Variants in PPFIA2 observed in about 807,000 individuals in gnomAD.
PPFIA2 encodes the protein PPFI scaffold protein A2.
PPFIA2 carries 46 observed loss-of-function variants against 175.5 expected under a neutral mutation model. The ratio of observed to expected loss-of-function variants is 0.26; its 90% CI spans 0.21 to 0.34. PPFIA2 has a LOEUF of 0.34. PPFIA2 is among the 10% of genes least tolerant of loss of function. The pLI is 1.00. For synonymous variants in PPFIA2, 568 were observed against 511.4 expected, an observed-to-expected ratio of 1.11 and a Z score of -1.49; for missense variants, 1,179 against 1,506.1, an observed-to-expected ratio of 0.78 and a Z score of 3.60.
chr12:81,364,858 G>A (rs2032577813), intron 14 of PPFIA2, among the ~76,000 whole-genome samples: 1 of 151,776 alleles, frequency 6.6e-6, no homozygotes, highest in African/African-American at 2.4e-5. Context: ...TTTAGCCTGA[G>A]TAACTGAAAG....
chr12:81,384,301 TA>T, intron 8 of PPFIA2, 57 bp from the exon 9 acceptor site: 1 of 1,164,396 alleles, frequency 8.6e-7, no homozygotes, highest in Non-Finnish European at 1.2e-6. Context: ...ATTTAAAATT[TA>T]AAATAAACTT....
intron 28 of PPFIA2, among the ~76,000 whole-genome samples, chr12:81,275,382 C>A (rs2040251367): frequency 6.6e-6 from 1 of 152,196 alleles, no homozygotes; most frequent in Non-Finnish European, 1.5e-5. Context: ...TTTAACCAAT[C>A]ACTTTCACAT....
intron 7 of PPFIA2, among the ~76,000 whole-genome samples, chr12:81,426,972 A>G (rs1667090839): frequency 6.6e-6 from 1 of 152,138 alleles, no homozygotes; most frequent in African/African-American, 2.4e-5. Context: ...TTAATCTTTT[A>G]TGTATAGTTA....
chr12:81,408,899 A>G (rs1390865814), intron 7 of PPFIA2, among the ~76,000 whole-genome samples: 1 of 151,406 alleles, frequency 6.6e-6, no homozygotes, highest in Admixed American at 6.6e-5. Flanking sequence ...TTATGAAACC[A>G]AAGTTTCAGC....
intron 4 of PPFIA2, among the ~76,000 whole-genome samples, chr12:81,468,284 G>T (rs1427845008): frequency 1.3e-5 from 2 of 152,114 alleles, no homozygotes; most frequent in Non-Finnish European, 2.9e-5. Context: ...ATGCCCAAAA[G>T]ATATATTTGC....
intron 21 of PPFIA2, among the ~76,000 whole-genome samples, chr12:81,330,266 T>C (rs947836353): frequency 6.6e-6 from 1 of 152,152 alleles, no homozygotes; most frequent in Non-Finnish European, 1.5e-5. Context: ...TGCCAAAAAA[T>C]ATTTTTATAG....
chr12:81,532,202 C>A (rs961834839), intron 4 of PPFIA2, among the ~76,000 whole-genome samples: 1 of 151,810 alleles, frequency 6.6e-6, no homozygotes, highest in Non-Finnish European at 1.5e-5. Flanking sequence ...AAGATTCCCA[C>A]TAGCAAGCTG....
Position 81,567,171 on chromosome 12 carries a change from C to T in PPFIA2, c.304-109305G>A, listed in dbSNP as rs556391557. On this transcript the variant is annotated intron_variant, in intron 4 of 32. Coordinates refer to ENST00000549396, the MANE Select transcript of PPFIA2 (RefSeq NM_003625.5). ...CACGCCATTTTCCTGCCTCGGCCTC[C>T]CGAGTAGCTGGGACCACAGGCACCC... Among the ~76,000 whole-genome samples, 48 of 152,270 alleles carry T rather than the reference C, an allele frequency of 3.2e-4. No individual in the cohort carries two copies. In the South Asian group the frequency reaches 5.6e-3, roughly 18 times the overall value.
At chr12:81,699,531 A>G (rs1327899641) in intron 3 of PPFIA2, among the ~76,000 whole-genome samples, 1 of 144,380 alleles carries the variant, frequency 6.9e-6, no homozygotes, top group Non-Finnish European at 1.5e-5. Context: ...ATAAACATAA[A>G]ATAATAATAT....
At chr12:81,396,425 G>A (rs1246732396) in intron 8 of PPFIA2, among the ~76,000 whole-genome samples, 3 of 152,054 alleles carry the variant, frequency 2.0e-5, no homozygotes, top group African/African-American at 7.2e-5. Context: ...TGGAAGTGGG[G>A]AAGTTAGCCA....
intron 4 of PPFIA2, among the ~76,000 whole-genome samples, chr12:81,674,989 C>T (rs1768244145): frequency 6.6e-6 from 1 of 151,966 alleles, no homozygotes; most frequent in African/African-American, 2.4e-5. Flanking sequence ...CCCTTATGCA[C>T]TCTGAAATGT....
chr12:81,483,164 ATG>A (rs879681000), intron 4 of PPFIA2, among the ~76,000 whole-genome samples: 1 of 152,148 alleles, frequency 6.6e-6, no homozygotes, highest in East Asian at 1.9e-4. Flanking sequence ...TTTATTTGAA[ATG>A]TTAGAGTTAC....
chr12:81,346,115 T>C (rs530946207), intron 18 of PPFIA2, among the ~76,000 whole-genome samples: 1 of 152,154 alleles, frequency 6.6e-6, no homozygotes, highest in African/African-American at 2.4e-5. Flanking sequence ...AGCCTCAAAA[T>C]TGTAAGTATG....
intron 4 of PPFIA2, among the ~76,000 whole-genome samples, chr12:81,628,376 C>CTTT (rs11304359): frequency 3.1e-4 from 35 of 111,666 alleles, no homozygotes; most frequent in South Asian, 6.5e-4. Flanking sequence ...TTTCTTTTAC[C>CTTT]TTTTTTTTTT....
chr12:81,465,488 A>T (rs2055440607), intron 4 of PPFIA2, among the ~76,000 whole-genome samples: 1 of 152,196 alleles, frequency 6.6e-6, no homozygotes, highest in Non-Finnish European at 1.5e-5. Flanking sequence ...GACAAAATTA[A>T]CTGCTTCAAA....
chr12:81,605,958 A>G (rs1288648859), intron 4 of PPFIA2, among the ~76,000 whole-genome samples: 1 of 151,632 alleles, frequency 6.6e-6, no homozygotes, highest in Non-Finnish European at 1.5e-5. Context: ...TTTTCAACCC[A>G]CGCTACACTC....
At chr12:81,655,005 C>A (rs925185960) in intron 4 of PPFIA2, among the ~76,000 whole-genome samples, 1 of 151,948 alleles carries the variant, frequency 6.6e-6, no homozygotes, top group African/African-American at 2.4e-5. Context: ...GAAGTATCAC[C>A]TGAATTTTTT....
At chr12:81,521,651 CAAAAAA>C (rs1167533871) in intron 4 of PPFIA2, among the ~76,000 whole-genome samples, 1 of 87,510 alleles carries the variant, frequency 1.1e-5, no homozygotes, top group African/African-American at 4.1e-5. Flanking sequence ...TAATAAAATA[CAAAAAA>C]AAAAAAAAAA....
intron 28 of PPFIA2, among the ~76,000 whole-genome samples, chr12:81,274,290 G>A (rs893432541): frequency 6.6e-6 from 1 of 152,082 alleles, no homozygotes; most frequent in Admixed American, 6.5e-5. Flanking sequence ...TGCACTAGTT[G>A]GATTTGTAAA....
Sources: allele counts gnomAD v4.1 joint callset (sites outside exome capture counted in the v4.1 genomes callset), GRCh38; gene constraint gnomAD v4.1.1; transcripts MANE v1.5; gene names NCBI Gene and HGNC (gene_info 2026-07-23, HGNC 2026-07-21).